Variants in ARSG observed in about 807,000 individuals in gnomAD.
ARSG encodes the protein ASG.
A neutral mutation model predicts 50.5 loss-of-function variants in ARSG; 37 were observed. The ratio of observed to expected loss-of-function variants is 0.73; its 90% CI spans 0.56 to 0.96. ARSG has a LOEUF of 0.96. ARSG is among the 50% of genes least tolerant of loss of function. The pLI, the probability that ARSG is intolerant of heterozygous loss-of-function variation, is 0.00. For missense variants in ARSG, 629 were observed against 675.3 expected, an observed-to-expected ratio of 0.93 and a Z score of 0.76; for synonymous variants, 225 against 254.6, an observed-to-expected ratio of 0.88 and a Z score of 1.11.
chr17:68,426,030 A>G (rs768074448), downstream of ARSG: 2 of 1,526,976 alleles, frequency 1.3e-6, no homozygotes, highest in South Asian at 1.1e-5. Flanking sequence ...GTTTCCTTCT[A>G]AGCACACAGA....
At position 68,401,348 on chromosome 17, in the gene ARSG, A is replaced by G. The variant is rs2147229794; in HGVS notation, c.1213-12A>G. ...AATTTTTCTATTAGTAAGCTCTGCC[A>G]CCCTTTCTCAGGTGCTGTTCCACCC... On this transcript the variant is annotated splice_polypyrimidine_tract_variant and intron_variant, in intron 10 of 11. Transcript: ENST00000621439. 1 of 1,613,060 alleles carries G rather than the reference A, an allele frequency of 6.2e-7. No homozygotes were observed. The highest frequency in any genetic ancestry group is 2.2e-5 in the East Asian group (1 of 44,852).
At chr17:68,431,556 G>A in the ARSG span, among the ~76,000 whole-genome samples, 3 of 152,158 alleles carry the variant, frequency 2.0e-5, no homozygotes, top group Non-Finnish European at 2.9e-5. Flanking sequence ...GAGGTGTCAT[G>A]TTCAAAGGGA....
At chr17:68,312,100 T>A (rs2076883566) in intron 2 of ARSG, among the ~76,000 whole-genome samples, 1 of 151,966 alleles carries the variant, frequency 6.6e-6, no homozygotes, top group African/African-American at 2.4e-5. Context: ...ACGCCTGGCC[T>A]GTACTGTTGT....
chr17:68,431,490 G>A, the ARSG span, among the ~76,000 whole-genome samples: 5 of 152,240 alleles, frequency 3.3e-5, no homozygotes, highest in South Asian at 2.1e-4. Flanking sequence ...TCAGGGGGAC[G>A]GGAGGAGCTG....
At chr17:68,368,063 T>C (rs1282067059) in intron 6 of ARSG, among the ~76,000 whole-genome samples, 1 of 152,022 alleles carries the variant, frequency 6.6e-6, no homozygotes, top group African/African-American at 2.4e-5. Flanking sequence ...AGAGTGCGAC[T>C]CTGTCTCCAA....
chr17:68,289,304 A>G (rs1411642151), upstream of ARSG, among the ~76,000 whole-genome samples: 2 of 152,144 alleles, frequency 1.3e-5, no homozygotes, highest in Non-Finnish European at 2.9e-5. Flanking sequence ...AAACAAATAA[A>G]TAAGTAGGTA....
At chr17:68,307,804 T>G in intron 2 of ARSG, 93 bp downstream of exon 2, 1 of 693,314 alleles carries the variant, frequency 1.4e-6, no homozygotes. Context: ...TAAAGAGTCA[T>G]TGATGGACCC....
chr17:68,436,537 T>G, the ARSG span: 16 of 1,526,966 alleles, frequency 1.0e-5, no homozygotes, highest in Non-Finnish European at 1.4e-5. Context: ...ATTGCACGGC[T>G]GGAGAGGGCA....
chr17:68,438,189 T>C, the ARSG span, among the ~76,000 whole-genome samples: 3 of 152,178 alleles, frequency 2.0e-5, no homozygotes, highest in Non-Finnish European at 4.4e-5. Context: ...TCACTTGCCA[T>C]GCATAGCTAC....
At chr17:68,274,133 A>G (rs1450984283) in intron 1 of ARSG, 4 of 1,551,294 alleles carry the variant, frequency 2.6e-6, no homozygotes, top group African/African-American at 1.4e-5. Context: ...CTGCCATAAG[A>G]CTCCTTCCTC....
At chr17:68,408,259 T>A (rs2081830755) in intron 11 of ARSG, among the ~76,000 whole-genome samples, 2 of 145,932 alleles carry the variant, frequency 1.4e-5, no homozygotes, top group African/African-American at 5.0e-5. Context: ...TATCTCCCAA[T>A]GCTATCCCTC....
At chr17:68,299,122 T>G (rs967311110) in intron 1 of ARSG, among the ~76,000 whole-genome samples, 2 of 89,902 alleles carry the variant, frequency 2.2e-5, no homozygotes, top group Middle Eastern at 6.6e-3. Context: ...TTTTTTTTTT[T>G]GAGACAGAGT....
chr17:68,343,208 G>C (rs2078349168), intron 2 of ARSG, among the ~76,000 whole-genome samples: 2 of 152,086 alleles, frequency 1.3e-5, no homozygotes. Context: ...CCAGGCTGGA[G>C]TGCGGTGGCG....
chr17:68,355,401 C>T (rs2078985228), intron 5 of ARSG, among the ~76,000 whole-genome samples: 1 of 152,212 alleles, frequency 6.6e-6, no homozygotes, highest in Non-Finnish European at 1.5e-5. Context: ...TCTTGTCGCC[C>T]AGGCTGTAGT....
chr17:68,284,385 C>T lies in ARSG; in HGVS notation c.-551-22558C>T, dbSNP rs571844499. ...CTCCAGTCTGGGTGACAGAGCAAGACTCTGTCTAAAATAAATAAATAAAAT... is the reference window on the plus strand; with the variant it reads ...CTCCAGTCTGGGTGACAGAGCAAGATTCTGTCTAAAATAAATAAATAAAAT... On this transcript the variant is annotated intron_variant, in intron 1 of 11. Transcript: ENST00000448504. 4.6e-5 allele frequency among the ~76,000 whole-genome samples: 7 copies of T among 152,186 alleles called. No homozygotes were observed. In the South Asian group the frequency reaches 1.5e-3, roughly 32 times the overall value.
chr17:68,368,818 G>T, intron 7 of ARSG, 74 bp downstream of exon 7: 1 of 1,500,134 alleles, frequency 6.7e-7, no homozygotes, highest in Non-Finnish European at 9.1e-7. Context: ...GAAGAGCAGA[G>T]TCTGGCCCCG....
chr17:68,429,001 G>A, the ARSG span: 3 of 1,248,754 alleles, frequency 2.4e-6, no homozygotes, highest in Non-Finnish European at 3.4e-6. Flanking sequence ...CGCTTCCAAT[G>A]ACAAAGCCCC....
chr17:68,312,255 C>T (rs1267011462), intron 2 of ARSG, among the ~76,000 whole-genome samples: 3 of 152,224 alleles, frequency 2.0e-5, no homozygotes, highest in Non-Finnish European at 4.4e-5. Context: ...GTGCTTGGTA[C>T]GTAGTGGGCA....
At chr17:68,389,317 C>T (rs1277378803) in intron 9 of ARSG, among the ~76,000 whole-genome samples, 2 of 152,170 alleles carry the variant, frequency 1.3e-5, no homozygotes, top group African/African-American at 4.8e-5. Context: ...GGGACCCCTG[C>T]AACCCCGGTT....
Sources: allele counts gnomAD v4.1 joint callset (sites outside exome capture counted in the v4.1 genomes callset), GRCh38; gene constraint gnomAD v4.1.1; transcripts MANE v1.5; gene names NCBI Gene and HGNC (gene_info 2026-07-23, HGNC 2026-07-21).